EPM2A: variants seen among roughly 807,000 people sequenced by gnomAD.
EPM2A encodes the protein EPM2A glucan phosphatase, laforin.
Under a neutral mutation model 26.5 loss-of-function variants are expected in EPM2A, and 21 were observed. The observed-to-expected ratio is 0.79, with a 90% CI of 0.56 to 1.14. The LOEUF (loss-of-function observed/expected upper bound fraction) is 1.14. Among genes scored for constraint, EPM2A ranks in the 50% most tolerant of loss-of-function variants. The pLI is 0.00. For synonymous variants in EPM2A, 217 were observed against 177.6 expected, an observed-to-expected ratio of 1.22 and a Z score of -1.76; for missense variants, 458 against 440.8, an observed-to-expected ratio of 1.04 and a Z score of -0.35.
At chr6:145,699,890 G>A (rs1402054272) in intron 1 of EPM2A, among the ~76,000 whole-genome samples, 1 of 152,130 alleles carries the variant, frequency 6.6e-6, no homozygotes, top group Non-Finnish European at 1.5e-5. Flanking sequence ...TGTAGATTAT[G>A]CTGAAAAAAT....
At chr6:145,624,095 CTCAGTCTCATCTTCTA>C (rs1562407061), downstream of EPM2A, among the ~76,000 whole-genome samples, 1 of 152,066 alleles carries the variant, frequency 6.6e-6, no homozygotes, top group Non-Finnish European at 1.5e-5. Context: ...CCCCTTTATT[CTCAGTCTCATCTTCTA>C]TCAGTTTTCT....
At chr6:145,701,117 G>A (rs1326199339) in intron 1 of EPM2A, among the ~76,000 whole-genome samples, 5 of 152,146 alleles carry the variant, frequency 3.3e-5, no homozygotes, top group African/African-American at 1.2e-4. Context: ...AAATAAAAGA[G>A]GGCGTAATCC....
At chr6:145,572,376 C>G (rs1233336773) in intron 2 of EPM2A, among the ~76,000 whole-genome samples, 1 of 152,206 alleles carries the variant, frequency 6.6e-6, no homozygotes, top group Non-Finnish European at 1.5e-5. Context: ...ATTTGAGCCA[C>G]TGCCTCATGT....
rs1042802834 is a variant in EPM2A at position 145,657,032 on chromosome 6, A to C, written c.477-21546T>G. Among the ~76,000 whole-genome samples, 5 of 152,214 alleles carry C rather than the reference A, an allele frequency of 3.3e-5. No individual in the cohort carries two copies. In the South Asian group the frequency reaches 1.0e-3, roughly 32 times the overall value. ...TTCAATAACAGATTTAGAATCAACAATGAAATTTGAAGAGCAAGAAATTAT... is the reference window on the plus strand; with the variant it reads ...TTCAATAACAGATTTAGAATCAACACTGAAATTTGAAGAGCAAGAAATTAT... On this transcript the variant is annotated intron_variant, in intron 2 of 3. Transcript: ENST00000367519.
At chr6:145,489,063 A>G (rs187150619) in intron 4 of EPM2A, among the ~76,000 whole-genome samples, 2 of 152,246 alleles carry the variant, frequency 1.3e-5, no homozygotes, top group East Asian at 3.9e-4. Context: ...TTTTCTTAAC[A>G]TTCTCGAAAT....
At chr6:145,488,502 T>TGA (rs1173687328) in intron 4 of EPM2A, among the ~76,000 whole-genome samples, 3 of 132,598 alleles carry the variant, frequency 2.3e-5, no homozygotes, top group African/African-American at 1.0e-4. Flanking sequence ...TGGTTGTGTG[T>TGA]GTGTGTGTGT....
intron 1 of EPM2A, among the ~76,000 whole-genome samples, chr6:145,694,679 T>C (rs1362957047): frequency 6.6e-6 from 1 of 151,952 alleles, no homozygotes; most frequent in Admixed American, 6.6e-5. Flanking sequence ...GAATAAAAGA[T>C]AGTCAAAATA....
intron 4 of EPM2A, among the ~76,000 whole-genome samples, chr6:145,457,623 T>C (rs1779278783): frequency 6.6e-6 from 1 of 152,084 alleles, no homozygotes; most frequent in Non-Finnish European, 1.5e-5. Context: ...TATAGAACAG[T>C]GATGATCATT....
At position 145,710,207 on chromosome 6, in the gene EPM2A, C is replaced by T. The variant is rs1775233515; in HGVS notation, c.302-23911G>A. Among the ~76,000 whole-genome samples, 4 of 151,820 alleles carry T rather than the reference C, an allele frequency of 2.6e-5. No individual in the cohort carries two copies. In the South Asian group the frequency reaches 8.4e-4, roughly 32 times the overall value. On this transcript the variant is annotated intron_variant, in intron 1 of 3. Transcript: ENST00000367519. ...CCTACAGAATGGGAGAAAATTTCTG[C>T]AATCTACTCATCTGACAAAGGGCTA...
At chr6:145,527,850 A>G (rs150457767) in intron 2 of EPM2A, among the ~76,000 whole-genome samples, 1 of 152,158 alleles carries the variant, frequency 6.6e-6, no homozygotes, top group Non-Finnish European at 1.5e-5. Flanking sequence ...AGAAATGCTG[A>G]AAGTTAGGCC....
chr6:145,646,796 G>A (rs994092210), intron 2 of EPM2A, among the ~76,000 whole-genome samples: 3 of 151,940 alleles, frequency 2.0e-5, no homozygotes, highest in Non-Finnish European at 4.4e-5. Context: ...TATCCCATTA[G>A]AGTCAAATGA....
At chr6:145,708,739 G>A (rs1782370020) in intron 1 of EPM2A, among the ~76,000 whole-genome samples, 1 of 152,216 alleles carries the variant, frequency 6.6e-6, no homozygotes, top group South Asian at 2.1e-4. Flanking sequence ...CACCCACACA[G>A]AGTCCCCACT....
At chr6:145,386,067 T>C (rs1487201357) in intron 4 of EPM2A, among the ~76,000 whole-genome samples, 1 of 152,110 alleles carries the variant, frequency 6.6e-6, no homozygotes, top group African/African-American at 2.4e-5. Context: ...AGAGCTGTAC[T>C]TTAGTACTAA....
chr6:145,713,442 C>T (rs1306934985), intron 1 of EPM2A, among the ~76,000 whole-genome samples: 1 of 152,188 alleles, frequency 6.6e-6, no homozygotes, highest in Non-Finnish European at 1.5e-5. Flanking sequence ...ACAGAAGATA[C>T]ATATGTGTGT....
At chr6:145,421,266 G>C (rs998131650) in intron 4 of EPM2A, among the ~76,000 whole-genome samples, 1 of 152,132 alleles carries the variant, frequency 6.6e-6, no homozygotes, top group Non-Finnish European at 1.5e-5. Flanking sequence ...TACTTTGTGA[G>C]AAGATTATAT....
chr6:145,584,061 T>G (rs1293651555), intron 2 of EPM2A, among the ~76,000 whole-genome samples: 1 of 152,168 alleles, frequency 6.6e-6, no homozygotes, highest in Non-Finnish European at 1.5e-5. Flanking sequence ...AGTGGTACCA[T>G]GGGCTATCTG....
At chr6:145,423,692 G>A (rs1778818639) in intron 4 of EPM2A, among the ~76,000 whole-genome samples, 1 of 152,176 alleles carries the variant, frequency 6.6e-6, no homozygotes, top group South Asian at 2.1e-4. Flanking sequence ...GCCAATGTGG[G>A]ATGGCAATAG....
chr6:145,637,567 A>G (rs2128565233), intron 2 of EPM2A: 1 of 152,284 alleles, frequency 6.6e-6, no homozygotes, highest in South Asian at 2.1e-4. Flanking sequence ...AAAAAATGAT[A>G]AAAGAAAAGT....
intron 2 of EPM2A, chr6:145,638,486 C>G (rs1244529473): frequency 6.6e-6 from 1 of 152,196 alleles, no homozygotes; most frequent in African/African-American, 2.4e-5. Context: ...AAGCCAGTAG[C>G]TTAACACATA....
Sources: allele counts gnomAD v4.1 joint callset (sites outside exome capture counted in the v4.1 genomes callset), GRCh38; gene constraint gnomAD v4.1.1; transcripts MANE v1.5; gene names NCBI Gene and HGNC (gene_info 2026-07-23, HGNC 2026-07-21).